The following SV2C variants were observed in gnomAD, a reference collection of about 807,000 sequenced individuals.
SV2C encodes synaptic vesicle glycoprotein 2C, also known as solute carrier family 22 member B3.
SV2C carries 49 observed loss-of-function variants against 79.7 expected under a neutral mutation model. The observed-to-expected ratio is 0.61, with a 90% CI of 0.49 to 0.78. The LOEUF (loss-of-function observed/expected upper bound fraction) is 0.78. Among genes scored for constraint, SV2C ranks in the 30% least tolerant of loss-of-function variants. SV2C has a pLI of 0.00. For synonymous variants in SV2C, 334 were observed against 333.2 expected (o/e 1.00, Z -0.03); for missense variants, 833 against 912.9 (o/e 0.91, Z 1.13).
intron 8 of SV2C, 113 bp from the exon 9 acceptor site, chr5:76,295,665 T>G (rs1747728135): frequency 2.0e-6 from 2 of 1,002,672 alleles, no homozygotes; most frequent in Admixed American, 5.0e-5. Flanking sequence ...CATAATGTTA[T>G]AGGGAGCCAG....
At chr5:76,051,963 T>C in the SV2C span, among the ~76,000 whole-genome samples, 1 of 152,192 alleles carries the variant, frequency 6.6e-6, no homozygotes, top group Non-Finnish European at 1.5e-5. Context: ...TCAATTTTAT[T>C]GTCTGCAAAG....
chr5:75,930,606 T>A, the SV2C span, among the ~76,000 whole-genome samples: 1 of 152,186 alleles, frequency 6.6e-6, no homozygotes, highest in Non-Finnish European at 1.5e-5. Context: ...GCAATTTTTG[T>A]TCACTGACCT....
Position 76,339,177 on chromosome 5 carries a change from A to G in SV2C, c.2001-13953A>G, listed in dbSNP as rs528450112. Reference sequence around the variant, plus strand: ...CTAGAATGAGAAAAGAGGTCCTCACAATTTACGCATTTTAAAAAAACTGAT... The same window carrying G: ...CTAGAATGAGAAAAGAGGTCCTCACGATTTACGCATTTTAAAAAAACTGAT... On this transcript the variant is annotated intron_variant, in intron 12 of 12. Coordinates refer to the SV2C transcript ENST00000322285. 4.2e-4 allele frequency among the ~76,000 whole-genome samples: 64 copies of G among 152,284 alleles called. No individual in the cohort carries two copies. The South Asian group carries it at 0.013, about 31-fold the overall frequency.
chr5:75,957,638 G>T, the SV2C span, among the ~76,000 whole-genome samples: 1 of 152,032 alleles, frequency 6.6e-6, no homozygotes, highest in Non-Finnish European at 1.5e-5. Flanking sequence ...ATAACATCAG[G>T]CTGATATCAT....
At chr5:76,269,212 C>T (rs1007916779) in intron 4 of SV2C, among the ~76,000 whole-genome samples, 2 of 152,218 alleles carry the variant, frequency 1.3e-5, no homozygotes, top group African/African-American at 2.4e-5. Context: ...AGTAACCCTT[C>T]TTCCCAAGGT....
At chr5:76,198,200 G>A (rs997998140) in intron 3 of SV2C, among the ~76,000 whole-genome samples, 3 of 152,114 alleles carry the variant, frequency 2.0e-5, no homozygotes, top group Non-Finnish European at 4.4e-5. Flanking sequence ...GCTATAGTTT[G>A]GATTTTTGAC....
the SV2C span, among the ~76,000 whole-genome samples, chr5:75,953,690 G>A: frequency 1.1e-4 from 17 of 152,026 alleles, 1 homozygote; most frequent in Admixed American, 3.3e-4. Context: ...ATATATGAGT[G>A]CCTCAGCTCC....
chr5:76,332,098 C>T lies in SV2C; in HGVS notation c.*6551C>T, dbSNP rs1018649983. 6.6e-5 allele frequency: 10 copies of T among 152,222 alleles called. No individual in the cohort carries two copies. The highest frequency in any genetic ancestry group is 1.5e-4 in the Non-Finnish European group (10 of 68,056). 9.4% of individuals were successfully genotyped at this position (152,222 alleles called of 1,614,324 possible). ...AAGATTCCCCACTTGGTGCTGAAGG[C>T]TAGGTGCCTTCCAGTCAGGTCTGAA... is the stretch of plus-strand genomic sequence containing the variant. On this transcript the variant is annotated 3_prime_UTR_variant, in exon 13 of 13. Coordinates refer to ENST00000502798, the MANE Select transcript of SV2C (RefSeq NM_014979.4).
the SV2C span, among the ~76,000 whole-genome samples, chr5:76,024,709 C>T: frequency 6.6e-6 from 1 of 152,050 alleles, no homozygotes; most frequent in Admixed American, 6.6e-5. Flanking sequence ...GAGATTGGTT[C>T]CAGGACACCC....
chr5:75,856,494 G>A, the SV2C span, among the ~76,000 whole-genome samples: 10 of 152,144 alleles, frequency 6.6e-5, no homozygotes, highest in Non-Finnish European at 1.3e-4. Context: ...TTTAACTGGG[G>A]TGAGATAACA....
chr5:75,971,484 A>T, the SV2C span, among the ~76,000 whole-genome samples: 1 of 152,124 alleles, frequency 6.6e-6, no homozygotes, highest in Admixed American at 6.5e-5. Context: ...AAGTCTCAGG[A>T]TACAAAATCA....
At position 76,300,650 on chromosome 5, in the gene SV2C, C is replaced by G. The variant is rs957621101; in HGVS notation, c.1637-79C>G. ...GAATTTACAATACTGGTTTCCTCTC[C>G]GAATCCTCCATAGGCTTTCTTATAC... is the stretch of plus-strand genomic sequence containing the variant. On this transcript the variant is annotated intron_variant, in intron 10 of 12. Transcript: ENST00000502798. 7 of 1,465,886 alleles carry G rather than the reference C, an allele frequency of 4.8e-6. No individual in the cohort carries two copies. The African/African-American group carries it at 9.8e-5, about 21-fold the overall frequency. The allele number at this position is 1,465,886 out of a possible 1,614,324, so 90.8% of individuals were successfully genotyped here.
intron 2 of SV2C, among the ~76,000 whole-genome samples, chr5:76,177,544 C>A (rs1456531148): frequency 6.6e-6 from 1 of 152,156 alleles, no homozygotes; most frequent in African/African-American, 2.4e-5. Context: ...GTATTTCTGT[C>A]TCTCAAAATA....
intron 12 of SV2C, among the ~76,000 whole-genome samples, chr5:76,302,630 CAAA>C (rs60732488): frequency 5.1e-3 from 351 of 68,798 alleles, no homozygotes; most frequent in African/African-American, 0.019. Flanking sequence ...GACTCCATCT[CAAA>C]AAAAAAAAAA....
At chr5:75,947,705 T>A in the SV2C span, among the ~76,000 whole-genome samples, 1 of 152,046 alleles carries the variant, frequency 6.6e-6, no homozygotes, top group African/African-American at 2.4e-5. Flanking sequence ...GTAATTTTTT[T>A]CCTAGTGACA....
the SV2C span, among the ~76,000 whole-genome samples, chr5:75,853,607 C>CAAAAAAAAAA: frequency 1.8e-3 from 51 of 28,460 alleles, no homozygotes; most frequent in African/African-American, 7.0e-3. Context: ...GACTCCGTCT[C>CAAAAAAAAAA]AAAAAAAAAA....
chr5:75,961,927 A>G, the SV2C span, among the ~76,000 whole-genome samples: 426 of 152,222 alleles, frequency 2.8e-3, no homozygotes, highest in African/African-American at 9.8e-3. Flanking sequence ...GCAAAAATAT[A>G]TAGTGTTCAT....
chr5:75,911,954 G>A, the SV2C span: 40 of 372,658 alleles, frequency 1.1e-4, no homozygotes, highest in African/African-American at 8.2e-4. Flanking sequence ...AGAGATATAA[G>A]AGCCAGCAAC....
intron 2 of SV2C, among the ~76,000 whole-genome samples, chr5:76,185,756 A>G (rs1269807420): frequency 2.0e-5 from 3 of 152,242 alleles, no homozygotes; most frequent in African/African-American, 7.2e-5. Context: ...AGAGGCTGCC[A>G]TGAAGGTCTC....
Sources: gnomAD v4.1 joint callset for allele counts (sites outside exome capture counted in the v4.1 genomes callset) on GRCh38, gnomAD v4.1.1 for gene constraint, MANE v1.5 for transcripts, NCBI Gene and HGNC (gene_info 2026-07-23, HGNC 2026-07-21) for gene names.